Variants in ITGB5 observed in about 807,000 individuals in gnomAD.
The protein encoded by ITGB5 is integrin subunit beta 5.
ITGB5 carries 38 observed loss-of-function variants against 84.8 expected under a neutral mutation model. The observed-to-expected ratio is 0.45, with a 90% CI of 0.35 to 0.59. ITGB5 has a LOEUF of 0.59. Among genes scored for constraint, ITGB5 ranks in the 20% least tolerant of loss-of-function variants. The pLI is 0.01. For missense variants in ITGB5, 905 were observed against 1,034.5 expected (o/e 0.87, Z 1.72); for synonymous variants, 393 against 414.4 (o/e 0.95, Z 0.63).
intron 10 of ITGB5, among the ~76,000 whole-genome samples, chr3:124,783,921 A>G (rs922151376): frequency 6.6e-6 from 1 of 152,170 alleles, no homozygotes; most frequent in Admixed American, 6.5e-5. Flanking sequence ...CATATTGTTA[A>G]CAAACCAGCC....
intron 1 of ITGB5, among the ~76,000 whole-genome samples, chr3:124,883,535 T>C (rs1325440683): frequency 6.6e-6 from 1 of 152,204 alleles, no homozygotes. Flanking sequence ...TACAGAGAGC[T>C]GCAGACCCAG....
chr3:124,801,184 G>C (rs2064310450), intron 9 of ITGB5, among the ~76,000 whole-genome samples: 1 of 152,178 alleles, frequency 6.6e-6, no homozygotes, highest in South Asian at 2.1e-4. Context: ...GGGTTCACTG[G>C]CTGCTTTGTG....
chr3:124,779,520 C>A (rs1391564465), intron 10 of ITGB5, among the ~76,000 whole-genome samples: 2 of 152,130 alleles, frequency 1.3e-5, no homozygotes, highest in Non-Finnish European at 2.9e-5. Flanking sequence ...GGAGCCTGTT[C>A]ACCATGAAAC....
At chr3:124,793,193 T>A (rs2064173881) in intron 10 of ITGB5, 1 of 152,164 alleles carries the variant, frequency 6.6e-6, no homozygotes, top group Non-Finnish European at 1.5e-5. Context: ...CACAGCCTGA[T>A]GAACTGTGGA....
At chr3:124,893,506 C>T (rs1401354761) in intron 1 of ITGB5, among the ~76,000 whole-genome samples, 1 of 152,024 alleles carries the variant, frequency 6.6e-6, no homozygotes, top group African/African-American at 2.4e-5. Context: ...TTTTCTTTCC[C>T]TGTCCACCAT....
chr3:124,782,912 T>G (rs1467684724), intron 10 of ITGB5, among the ~76,000 whole-genome samples: 1 of 152,062 alleles, frequency 6.6e-6, no homozygotes, highest in Non-Finnish European at 1.5e-5. Flanking sequence ...AAGGGGAGCT[T>G]GCAGTGAGTG....
intron 14 of ITGB5, 116 bp downstream of exon 14, chr3:124,764,275 T>G: frequency 2.1e-5 from 22 of 1,072,512 alleles, no homozygotes; most frequent in Non-Finnish European, 2.5e-5. Context: ...CTGGTGTTGA[T>G]TCTTTTGTTT....
At position 124,832,405 on chromosome 3, in the gene ITGB5, C is replaced by T. The variant is rs376389783; in HGVS notation, c.780+8978G>A. 2.6e-5 allele frequency among the ~76,000 whole-genome samples: 4 copies of T among 152,296 alleles called. No homozygotes were observed. In the East Asian group the frequency reaches 5.8e-4, roughly 22 times the overall value. ...CACCTTTCTAGGCTTGTTTCCTCAT[C>T]AAAGGAGATAGTAAAGCCACCTTCA... On this transcript the variant is annotated intron_variant, in intron 5 of 14. Transcript: ENST00000296181.
intron 5 of ITGB5, among the ~76,000 whole-genome samples, chr3:124,823,653 CTATA>C (rs1579253873): frequency 1.3e-5 from 2 of 148,688 alleles, no homozygotes; most frequent in East Asian, 3.9e-4. Flanking sequence ...TATATATAAA[CTATA>C]TATATAACTA....
Position 124,813,316 on chromosome 3 carries a change from G to T in ITGB5, c.1129-4160C>A, listed in dbSNP as rs187098673. On this transcript the variant is annotated intron_variant, in intron 8 of 14. Transcript: ENST00000296181. Reference sequence around the variant, plus strand: ...ACAACACTTCTGACACCAGATGTGAGGATTTTTCCCCCACACACCATGCAA... The same window carrying T: ...ACAACACTTCTGACACCAGATGTGATGATTTTTCCCCCACACACCATGCAA... Among the ~76,000 whole-genome samples, 352 of 152,228 alleles carry T rather than the reference G, an allele frequency of 2.3e-3. 3 individuals carry two copies. The highest frequency in any genetic ancestry group is 2.1e-3 in the South Asian group (10 of 4,808).
intron 1 of ITGB5, among the ~76,000 whole-genome samples, chr3:124,898,122 T>G (rs1935143851): frequency 6.6e-6 from 1 of 152,002 alleles, no homozygotes; most frequent in African/African-American, 2.4e-5. Flanking sequence ...AGGGGGCTTA[T>G]CAGGAAGACA....
At chr3:124,812,533 A>G (rs2064520768) in intron 8 of ITGB5, among the ~76,000 whole-genome samples, 1 of 152,192 alleles carries the variant, frequency 6.6e-6, no homozygotes, top group Non-Finnish European at 1.5e-5. Context: ...TCGCTCCCAC[A>G]CTGAAAAGAG....
At chr3:124,899,853 CAA>C (rs60859904) in intron 1 of ITGB5, among the ~76,000 whole-genome samples, 636 of 34,686 alleles carry the variant, frequency 0.018, no homozygotes, top group Middle Eastern at 0.033. Context: ...GACCCTGTCT[CAA>C]AAAAAAAAAA....
chr3:124,789,266 G>C (rs923487435), intron 10 of ITGB5, among the ~76,000 whole-genome samples: 6 of 152,262 alleles, frequency 3.9e-5, no homozygotes, highest in African/African-American at 2.4e-5. Context: ...GATAACTGTT[G>C]CCATGGCAGG....
At chr3:124,851,663 G>T in intron 3 of ITGB5, among the ~76,000 whole-genome samples, 1 of 149,944 alleles carries the variant, frequency 6.7e-6, no homozygotes, top group East Asian at 2.0e-4. Context: ...CTTCCCAAAG[G>T]AAGGCTGCAG....
intron 4 of ITGB5, among the ~76,000 whole-genome samples, chr3:124,847,799 A>C (rs1559966539): frequency 6.6e-6 from 1 of 152,208 alleles, no homozygotes; most frequent in Non-Finnish European, 1.5e-5. Context: ...TAATATGTCA[A>C]ATCTTTTCTA....
chr3:124,767,107 T>C (rs1476111126), intron 12 of ITGB5, among the ~76,000 whole-genome samples: 1 of 152,112 alleles, frequency 6.6e-6, no homozygotes, highest in Non-Finnish European at 1.5e-5. Context: ...TAGCGGGCTG[T>C]TTTTTGGAGA....
intron 8 of ITGB5, among the ~76,000 whole-genome samples, chr3:124,811,272 T>C (rs188861656): frequency 2.0e-4 from 30 of 152,328 alleles, no homozygotes; most frequent in African/African-American, 6.7e-4. Flanking sequence ...CTTAGTACAA[T>C]CTGTCGTTGA....
At chr3:124,872,335 G>C (rs1215123072) in intron 2 of ITGB5, among the ~76,000 whole-genome samples, 1 of 152,152 alleles carries the variant, frequency 6.6e-6, no homozygotes, top group African/African-American at 2.4e-5. Context: ...TTATTTTACT[G>C]CTCTGAGTCT....
Sources: gnomAD v4.1 joint callset for allele counts (sites outside exome capture counted in the v4.1 genomes callset) on GRCh38, gnomAD v4.1.1 for gene constraint, MANE v1.5 for transcripts, NCBI Gene and HGNC (gene_info 2026-07-23, HGNC 2026-07-21) for gene names.